PTPRD: variants seen among roughly 807,000 people sequenced by gnomAD.
PTPRD encodes protein tyrosine phosphatase receptor type D, also known as receptor-type tyrosine-protein phosphatase delta.
In PTPRD, 34 loss-of-function variants were observed where a neutral mutation model predicts 214.5. The observed-to-expected ratio is 0.16, with a 90% CI of 0.12 to 0.21. The LOEUF (loss-of-function observed/expected upper bound fraction) is 0.21, where lower values mean the gene tolerates loss of function less well. Ranked by LOEUF, PTPRD falls within the 10% of genes least tolerant of loss-of-function variation. PTPRD has a pLI of 1.00. For synonymous variants in PTPRD, 1,128 were observed against 845.7 expected (o/e 1.33, Z -5.79); for missense variants, 2,545 against 2,398.7 (o/e 1.06, Z -1.27).
intron 11 of PTPRD, among the ~76,000 whole-genome samples, chr9:8,952,897 C>G (rs928137022): frequency 6.6e-6 from 1 of 151,762 alleles, no homozygotes; most frequent in Non-Finnish European, 1.5e-5. Context: ...GAAAGCATAA[C>G]AAAGAAGAAT....
intron 3 of PTPRD, among the ~76,000 whole-genome samples, chr9:10,161,286 C>T (rs1341317242): frequency 3.3e-5 from 5 of 151,760 alleles, no homozygotes; most frequent in Non-Finnish European, 7.4e-5. Flanking sequence ...CAAAGCATCA[C>T]ACTACCTGAC....
At chr9:8,819,320 A>T (rs535020239) in intron 11 of PTPRD, among the ~76,000 whole-genome samples, 2 of 152,198 alleles carry the variant, frequency 1.3e-5, no homozygotes, top group African/African-American at 4.8e-5. Flanking sequence ...GATCTGTTTC[A>T]TATTCATATA....
intron 11 of PTPRD, among the ~76,000 whole-genome samples, chr9:8,973,438 AT>A (rs1208061586): frequency 4.6e-5 from 7 of 152,032 alleles, no homozygotes; most frequent in Non-Finnish European, 1.0e-4. Context: ...GTACATATGT[AT>A]CACATTTTCT....
chr9:10,069,818 T>C (rs946011149), intron 3 of PTPRD, among the ~76,000 whole-genome samples: 1 of 152,054 alleles, frequency 6.6e-6, no homozygotes, highest in Admixed American at 6.6e-5. Flanking sequence ...TGTGTTGACA[T>C]GTTTCTGTAT....
At chr9:10,479,622 A>AG (rs140587492) in intron 2 of PTPRD, among the ~76,000 whole-genome samples, 14,595 of 70,132 alleles carry the variant, frequency 0.21, 1,004 homozygotes, top group East Asian at 0.45. Context: ...CTCTAAAAAA[A>AG]GAAAACATAA....
intron 11 of PTPRD, among the ~76,000 whole-genome samples, chr9:8,747,368 G>A (rs1173585083): frequency 6.6e-6 from 1 of 152,028 alleles, no homozygotes; most frequent in Non-Finnish European, 1.5e-5. Context: ...GGAAAGAAAG[G>A]GAATTCCTAA....
chr9:10,575,299 G>T (rs1001862002), intron 2 of PTPRD, among the ~76,000 whole-genome samples: 2 of 151,446 alleles, frequency 1.3e-5, no homozygotes, highest in African/African-American at 4.9e-5. Flanking sequence ...ATGAAAGTTG[G>T]GAAAAATACT....
chr9:8,399,011 C>A (rs1434003126), intron 36 of PTPRD, among the ~76,000 whole-genome samples: 1 of 152,014 alleles, frequency 6.6e-6, no homozygotes, highest in African/African-American at 2.4e-5. Context: ...TCACTTCTAA[C>A]CCTCTCATGG....
At chr9:9,863,627 C>G (rs2063276339) in intron 5 of PTPRD, among the ~76,000 whole-genome samples, 1 of 152,146 alleles carries the variant, frequency 6.6e-6, no homozygotes, top group African/African-American at 2.4e-5. Flanking sequence ...GCAAGGCATT[C>G]TTTTCCTTTT....
chr9:8,416,474 G>C (rs1035327398), intron 35 of PTPRD, among the ~76,000 whole-genome samples: 3 of 152,264 alleles, frequency 2.0e-5, no homozygotes, highest in Admixed American at 2.0e-4. Flanking sequence ...GGAAAAAAGA[G>C]AGTTGCAGAA....
intron 11 of PTPRD, among the ~76,000 whole-genome samples, chr9:8,898,153 A>G (rs1044143420): frequency 5.3e-5 from 8 of 152,064 alleles, no homozygotes; most frequent in Non-Finnish European, 8.8e-5. Context: ...TCATGCCCTC[A>G]ACTCTTATGT....
At chr9:10,272,010 G>C (rs926249866) in intron 3 of PTPRD, among the ~76,000 whole-genome samples, 2 of 151,032 alleles carry the variant, frequency 1.3e-5, no homozygotes, top group African/African-American at 2.4e-5. Flanking sequence ...TATGAATTTT[G>C]TTATATTCAC....
chr9:10,300,647 A>C (rs2095835063), intron 3 of PTPRD, among the ~76,000 whole-genome samples: 1 of 152,206 alleles, frequency 6.6e-6, no homozygotes, highest in Non-Finnish European at 1.5e-5. Flanking sequence ...CAAAGCCACC[A>C]GGAAGTTTGA....
chr9:9,650,940 C>G (rs1027617748), intron 7 of PTPRD, among the ~76,000 whole-genome samples: 1 of 151,750 alleles, frequency 6.6e-6, no homozygotes, highest in South Asian at 2.1e-4. Context: ...AATAGCAATT[C>G]TAGAGTGTAT....
At position 8,314,633 on chromosome 9, in the gene PTPRD, C is replaced by G. The variant is rs1442122269; in HGVS notation, c.*3241G>C. The G allele has an allele frequency of 8.7e-6, 2 of 230,436 alleles. No homozygotes were observed. Among genetic ancestry groups the G allele is most frequent in the African/African-American group, 4.5e-5 (2 of 44,682 alleles). 14.3% of individuals were successfully genotyped at this position (230,436 alleles called of 1,614,324 possible). A position where few individuals can be genotyped will look rare whatever the true frequency, so the allele number is the denominator to read the frequency against. On this transcript the variant is annotated 3_prime_UTR_variant, in exon 46 of 46. Coordinates refer to ENST00000381196, the MANE Select transcript of PTPRD (RefSeq NM_002839.4). Reference sequence around the variant, plus strand: ...CATAAACCCAAAAGGAACCAAAACCCAAAAAGAAAAACAAAAAGGGAATTA... The same window carrying G: ...CATAAACCCAAAAGGAACCAAAACCGAAAAAGAAAAACAAAAAGGGAATTA...
intron 2 of PTPRD, among the ~76,000 whole-genome samples, chr9:10,374,507 C>A (rs1190498234): frequency 2.0e-5 from 3 of 152,018 alleles, no homozygotes; most frequent in Non-Finnish European, 2.9e-5. Context: ...CACGGAATAA[C>A]TGTCTCTTTC....
intron 23 of PTPRD, among the ~76,000 whole-genome samples, chr9:8,502,848 G>GTGTATATATATATATATA (rs1554658829): frequency 2.0e-5 from 3 of 147,098 alleles, no homozygotes; most frequent in South Asian, 4.3e-4. Context: ...ATGTGTGTGT[G>GTGTATATATATATATATA]TATATATATA....
intron 9 of PTPRD, among the ~76,000 whole-genome samples, chr9:9,221,600 A>G (rs1465724230): frequency 6.6e-6 from 1 of 151,850 alleles, no homozygotes; most frequent in East Asian, 2.0e-4. Context: ...ACAGAGAGTG[A>G]CCTCTCTAGT....
At chr9:8,666,974 C>T (rs958394218) in intron 12 of PTPRD, among the ~76,000 whole-genome samples, 9 of 152,150 alleles carry the variant, frequency 5.9e-5, no homozygotes, top group Non-Finnish European at 4.4e-5. Flanking sequence ...TGTGTATGCA[C>T]ATTATCTATA....
Sources: gnomAD v4.1 joint callset for allele counts (sites outside exome capture counted in the v4.1 genomes callset) on GRCh38, gnomAD v4.1.1 for gene constraint, MANE v1.5 for transcripts, NCBI Gene and HGNC (gene_info 2026-07-23, HGNC 2026-07-21) for gene names.